HS3ST5: variants seen among roughly 807,000 people sequenced by gnomAD.
HS3ST5 encodes heparan sulfate-glucosamine 3-sulfotransferase 5.
In HS3ST5, 10 loss-of-function variants were observed where a neutral mutation model predicts 25.4. The ratio of observed to expected loss-of-function variants is 0.39; its 90% CI spans 0.24 to 0.67. The LOEUF (loss-of-function observed/expected upper bound fraction) is 0.67, where lower values mean the gene tolerates loss of function less well. HS3ST5 is among the 30% of genes least tolerant of loss of function. The pLI is 0.44. For missense variants in HS3ST5, 324 were observed against 420.7 expected, an observed-to-expected ratio of 0.77 and a Z score of 2.01; for synonymous variants, 170 against 162.4, an observed-to-expected ratio of 1.05 and a Z score of -0.36.
intron 1 of HS3ST5, among the ~76,000 whole-genome samples, chr6:114,251,238 C>T (rs1394553252): frequency 6.6e-6 from 1 of 152,166 alleles, no homozygotes; most frequent in Non-Finnish European, 1.5e-5. Flanking sequence ...CAGTGAGGCA[C>T]TTTCTTCAAA....
intron 2 of HS3ST5, among the ~76,000 whole-genome samples, chr6:114,169,998 AAC>A (rs1476100328): frequency 2.0e-5 from 3 of 152,184 alleles, no homozygotes; most frequent in Admixed American, 6.5e-5. Context: ...ATAAGGGAAA[AAC>A]ACACAATCTT....
intron 2 of HS3ST5, chr6:114,179,213 C>T (rs1383687790): frequency 6.6e-6 from 1 of 152,160 alleles, no homozygotes; most frequent in Non-Finnish European, 1.5e-5. Context: ...ATCTTTAGCA[C>T]CTAAAATCTT....
At position 114,083,115 on chromosome 6, in the gene HS3ST5, C is replaced by T. The variant is rs117908904; in HGVS notation, c.-32-20238G>A. Among the ~76,000 whole-genome samples, 86 of 152,222 alleles carry T rather than the reference C, an allele frequency of 5.6e-4. 1 individual carries two copies. In the East Asian group the frequency reaches 0.014, roughly 25 times the overall value. ...TTTATAACAAGTATAAAACTGAGCT[C>T]GACTCCAACTGTGTAGAGGTGATGG... is the stretch of plus-strand genomic sequence containing the variant. On this transcript the variant is annotated intron_variant, in intron 3 of 4. Coordinates refer to ENST00000312719, the MANE Select transcript of HS3ST5 (RefSeq NM_153612.4).
At chr6:114,115,496 A>G (rs140863430) in intron 3 of HS3ST5, among the ~76,000 whole-genome samples, 1 of 152,172 alleles carries the variant, frequency 6.6e-6, no homozygotes, top group African/African-American at 2.4e-5. Flanking sequence ...CATTATAACA[A>G]TGACATAGTG....
chr6:114,269,465 G>A (rs913407967), intron 1 of HS3ST5, among the ~76,000 whole-genome samples: 1 of 152,012 alleles, frequency 6.6e-6, no homozygotes, highest in African/African-American at 2.4e-5. Flanking sequence ...TTCTGGGAAG[G>A]GACAATTTAT....
chr6:114,141,454 A>T (rs1022387), intron 3 of HS3ST5, among the ~76,000 whole-genome samples: 14 of 152,006 alleles, frequency 9.2e-5, no homozygotes, highest in Non-Finnish European at 4.4e-5. Flanking sequence ...GGTAAGAAAA[A>T]GTTCCATAAG....
intron 2 of HS3ST5, among the ~76,000 whole-genome samples, chr6:114,203,286 C>A (rs1256004865): frequency 2.0e-5 from 3 of 152,158 alleles, no homozygotes; most frequent in Admixed American, 6.5e-5. Context: ...TCTAACCTCA[C>A]AAGCTATCTG....
chr6:114,248,763 T>C (rs1772504734), intron 1 of HS3ST5, among the ~76,000 whole-genome samples: 1 of 152,248 alleles, frequency 6.6e-6, no homozygotes, highest in Admixed American at 6.5e-5. Context: ...GATAGAAGCA[T>C]AATTTTAGGA....
chr6:114,094,136 A>G (rs996473389), intron 3 of HS3ST5, among the ~76,000 whole-genome samples: 1 of 152,238 alleles, frequency 6.6e-6, no homozygotes, highest in Non-Finnish European at 1.5e-5. Context: ...TAGAGCCAGT[A>G]TTAATATTTT....
intron 2 of HS3ST5, among the ~76,000 whole-genome samples, chr6:114,187,555 A>G (rs886634879): frequency 2.0e-5 from 3 of 152,234 alleles, no homozygotes; most frequent in Non-Finnish European, 4.4e-5. Flanking sequence ...GTTGCTTCTT[A>G]TGAATGAGCA....
intron 1 of HS3ST5, among the ~76,000 whole-genome samples, chr6:114,318,473 G>C (rs990850341): frequency 2.0e-5 from 3 of 152,000 alleles, no homozygotes; most frequent in Non-Finnish European, 4.4e-5. Context: ...ACAACAAAAG[G>C]TTGCCCTGGG....
intron 1 of HS3ST5, among the ~76,000 whole-genome samples, chr6:114,323,928 G>A (rs1776070587): frequency 1.3e-5 from 2 of 152,256 alleles, no homozygotes; most frequent in Admixed American, 1.3e-4. Flanking sequence ...GTCAGAGGGT[G>A]AGTAGCTGTG....
intron 2 of HS3ST5, among the ~76,000 whole-genome samples, chr6:114,215,292 C>T (rs942712792): frequency 2.0e-5 from 3 of 152,100 alleles, no homozygotes; most frequent in African/African-American, 4.8e-5. Flanking sequence ...GGTGACAGAG[C>T]GAGACTCTGT....
chr6:114,295,569 C>T (rs887753590), intron 1 of HS3ST5, among the ~76,000 whole-genome samples: 4 of 152,140 alleles, frequency 2.6e-5, no homozygotes, highest in Non-Finnish European at 4.4e-5. Flanking sequence ...CTGCTTCAAA[C>T]GTCAGATTGT....
At chr6:114,339,242 C>A (rs1209376647) in intron 1 of HS3ST5, among the ~76,000 whole-genome samples, 2 of 152,120 alleles carry the variant, frequency 1.3e-5, no homozygotes, top group Non-Finnish European at 2.9e-5. Flanking sequence ...AAATTGGAAT[C>A]ATTTTTAGTA....
intron 1 of HS3ST5, among the ~76,000 whole-genome samples, chr6:114,232,132 T>C (rs1474171): frequency 0.16 from 23,664 of 152,146 alleles, 1,893 homozygotes; most frequent in East Asian, 0.27. Context: ...TCATCTCTCG[T>C]ATTATCCATA....
chr6:114,057,213 G>C lies in HS3ST5; in HGVS notation c.*44C>G. 3.0e-6 allele frequency: 4 copies of C among 1,314,696 alleles called. No homozygotes were observed. The highest frequency in any genetic ancestry group is 4.3e-6 in the Non-Finnish European group (4 of 929,214). 81.4% of individuals were successfully genotyped at this position (1,314,696 alleles called of 1,614,324 possible). On this transcript the variant is annotated 3_prime_UTR_variant, in exon 5 of 5. Coordinates refer to ENST00000312719, the MANE Select transcript of HS3ST5 (RefSeq NM_153612.4). ...CATATTTTAATCTACAGGAGACATT[G>C]TGTGTCTCCAGGCACAACACATAGT...
intron 3 of HS3ST5, among the ~76,000 whole-genome samples, chr6:114,066,874 A>G (rs150769180): frequency 4.0e-5 from 6 of 151,738 alleles, no homozygotes; most frequent in Non-Finnish European, 8.8e-5. Flanking sequence ...TCCTAATATA[A>G]GTTATTTTGT....
At chr6:114,058,920 A>G (rs1772936006) in intron 4 of HS3ST5, 1 of 152,230 alleles carries the variant, frequency 6.6e-6, no homozygotes, top group South Asian at 2.1e-4. Flanking sequence ...TATATCACCT[A>G]CCACACCTGG....
Sources: allele counts gnomAD v4.1 joint callset (sites outside exome capture counted in the v4.1 genomes callset), GRCh38; gene constraint gnomAD v4.1.1; transcripts MANE v1.5; gene names NCBI Gene and HGNC (gene_info 2026-07-23, HGNC 2026-07-21).